The following PCP4 variants were observed in gnomAD, a reference collection of about 807,000 sequenced individuals.
PCP4 encodes Purkinje cell protein 4.
A neutral mutation model predicts 10.0 loss-of-function variants in PCP4; 8 were observed. That is an observed-to-expected ratio of 0.80 (90% CI 0.47 to 1.45). The LOEUF is 1.45. Ranked by LOEUF, PCP4 falls within the 40% of genes most tolerant of loss-of-function variation. The pLI is 0.00. For synonymous variants in PCP4, 21 were observed against 23.0 expected (o/e 0.91, Z 0.24); for missense variants, 54 against 74.4 (o/e 0.73, Z 1.01).
chr21:39,911,691 G>A (rs1264569408), intron 2 of PCP4, among the ~76,000 whole-genome samples: 1 of 152,234 alleles, frequency 6.6e-6, no homozygotes, highest in Non-Finnish European at 1.5e-5. Context: ...GGGATACTGA[G>A]TTATAGCTGT....
intron 1 of PCP4, among the ~76,000 whole-genome samples, chr21:39,883,034 C>T (rs2087383417): frequency 6.6e-6 from 1 of 152,234 alleles, no homozygotes; most frequent in Non-Finnish European, 1.5e-5. Context: ...TAGCTAGCAT[C>T]TGGCTCATAT....
Position 39,869,656 on chromosome 21 carries a change from C to T in PCP4, c.9+2146C>T, listed in dbSNP as rs546871761. 5.9e-5 allele frequency among the ~76,000 whole-genome samples: 9 copies of T among 152,304 alleles called. No individual in the cohort carries two copies. In the South Asian group the frequency reaches 1.9e-3, roughly 32 times the overall value. On this transcript the variant is annotated intron_variant, in intron 1 of 2. Coordinates refer to ENST00000328619, the MANE Select transcript of PCP4 (RefSeq NM_006198.3). ...TGATCTCCAAGTTCCTGGGCATGTG[C>T]TCCTTGGAGAGCAGGAATTTGTCCT...
chr21:39,918,696 A>T (rs2087580651), intron 2 of PCP4, among the ~76,000 whole-genome samples: 1 of 152,198 alleles, frequency 6.6e-6, no homozygotes, highest in Non-Finnish European at 1.5e-5. Context: ...TCTGCCTCTT[A>T]GCACAGACCT....
At chr21:39,884,339 CCAGCTAATTT>C (rs536394106) in intron 1 of PCP4, among the ~76,000 whole-genome samples, 67 of 151,896 alleles carry the variant, frequency 4.4e-4, no homozygotes, top group African/African-American at 1.4e-3. Context: ...ACCACCATGC[CCAGCTAATTT>C]TGTATTTTTA....
chr21:39,897,161 G>A (rs559323429), intron 1 of PCP4, among the ~76,000 whole-genome samples: 8 of 152,082 alleles, frequency 5.3e-5, no homozygotes, highest in African/African-American at 1.4e-4. Flanking sequence ...AGGCCGAGGC[G>A]GGTGGATCAT....
intron 2 of PCP4, among the ~76,000 whole-genome samples, chr21:39,907,323 C>A (rs1049103032): frequency 7.9e-5 from 12 of 152,086 alleles, no homozygotes; most frequent in Admixed American, 7.9e-4. Context: ...GGGCAGAAGT[C>A]CCCAGGGTCA....
At chr21:39,924,537 CTTTGTT>C (rs1274585150) in intron 2 of PCP4, among the ~76,000 whole-genome samples, 2 of 152,002 alleles carry the variant, frequency 1.3e-5, no homozygotes, top group Non-Finnish European at 2.9e-5. Context: ...GGCCTGTGTT[CTTTGTT>C]TTTGTTTTTG....
At position 39,889,535 on chromosome 21, in the gene PCP4, G is replaced by T. The variant is rs570028695; in HGVS notation, c.10-8941G>T. Among the ~76,000 whole-genome samples the T allele has an allele frequency of 4.8e-5, 7 of 145,644 alleles. No individual in the cohort carries two copies. The South Asian group carries it at 1.6e-3, about 32-fold the overall frequency. On this transcript the variant is annotated intron_variant, in intron 1 of 2. Transcript: ENST00000328619. ...GGGTTCACGCCATTCTCCTGCCTTAGCCTCCTGAGTAGCTGGGACTACAGG... is the reference window on the plus strand; with the variant it reads ...GGGTTCACGCCATTCTCCTGCCTTATCCTCCTGAGTAGCTGGGACTACAGG...
chr21:39,903,615 T>A (rs1458549004), intron 2 of PCP4, among the ~76,000 whole-genome samples: 2 of 151,946 alleles, frequency 1.3e-5, no homozygotes, highest in African/African-American at 4.8e-5. Flanking sequence ...ACGCCTGTAA[T>A]CCCAGCACTT....
intron 1 of PCP4, among the ~76,000 whole-genome samples, chr21:39,872,204 G>T (rs8133737): frequency 0.01 from 1,579 of 152,216 alleles, 24 homozygotes; most frequent in African/African-American, 0.036. Flanking sequence ...TCACCATATT[G>T]GTCTGACTGG....
intron 2 of PCP4, among the ~76,000 whole-genome samples, chr21:39,907,632 C>A (rs1434351135): frequency 6.6e-6 from 1 of 152,020 alleles, no homozygotes; most frequent in East Asian, 1.9e-4. Flanking sequence ...TCCATCTCTA[C>A]CAAAAAATAC....
intron 1 of PCP4, among the ~76,000 whole-genome samples, chr21:39,872,981 T>C (rs2087327668): frequency 6.6e-6 from 1 of 152,108 alleles, no homozygotes; most frequent in African/African-American, 2.4e-5. Context: ...AAGAAGGATC[T>C]CAACAGAAGG....
intron 1 of PCP4, among the ~76,000 whole-genome samples, chr21:39,891,999 A>T (rs182929241): frequency 6.0e-4 from 91 of 152,336 alleles, no homozygotes; most frequent in African/African-American, 2.1e-3. Context: ...GCAGGCCTGG[A>T]TAATATCCAG....
At chr21:39,905,658 A>C (rs1260424911) in intron 2 of PCP4, among the ~76,000 whole-genome samples, 1 of 152,190 alleles carries the variant, frequency 6.6e-6, no homozygotes, top group African/African-American at 2.4e-5. Context: ...GCTTCTGATC[A>C]GTCTTGGGTG....
At chr21:39,899,303 C>T (rs1203106915) in intron 2 of PCP4, among the ~76,000 whole-genome samples, 1 of 152,212 alleles carries the variant, frequency 6.6e-6, no homozygotes, top group African/African-American at 2.4e-5. Flanking sequence ...TGAGGTGAGA[C>T]TCTGGGTGTT....
chr21:39,908,268 C>T (rs564572128), intron 2 of PCP4, among the ~76,000 whole-genome samples: 2 of 151,922 alleles, frequency 1.3e-5, no homozygotes, highest in African/African-American at 4.8e-5. Context: ...TGAGGCTGTC[C>T]CTGTGAAGGT....
rs140683067 is a variant in PCP4, at chr21:39,913,963, C to T, written c.62-15021C>T. Among the ~76,000 whole-genome samples, 10 of 18,936 alleles carry T rather than the reference C, an allele frequency of 5.3e-4. No homozygotes were observed. In the East Asian group the frequency reaches 7.1e-3, roughly 13 times the overall value. 12.4% of individuals were successfully genotyped at this position (18,936 alleles called of 152,430 possible). On this transcript the variant is annotated intron_variant, in intron 2 of 2. Transcript: ENST00000328619. ...TAGCATGGCCCAGCAGCTGAGTTGA[C>T]AGCCAGGGCCAAGAAGGACGCAGAA...
intron 2 of PCP4, among the ~76,000 whole-genome samples, chr21:39,914,463 C>T (rs56150613): frequency 7.3e-5 from 11 of 151,262 alleles, no homozygotes; most frequent in Admixed American, 6.6e-4. Flanking sequence ...TGCCTATAAT[C>T]TCAGCTACTC....
chr21:39,881,007 G>A (rs920617484), intron 1 of PCP4, among the ~76,000 whole-genome samples: 2 of 152,122 alleles, frequency 1.3e-5, no homozygotes, highest in African/African-American at 4.8e-5. Flanking sequence ...GTGGTCGTGT[G>A]TGCATTTTAT....
Sources: gnomAD v4.1 joint callset for allele counts (sites outside exome capture counted in the v4.1 genomes callset) on GRCh38, gnomAD v4.1.1 for gene constraint, MANE v1.5 for transcripts, NCBI Gene and HGNC (gene_info 2026-07-23, HGNC 2026-07-21) for gene names.